The following GRAP2 variants were observed in gnomAD, a reference collection of about 807,000 sequenced individuals.
GRAP2 encodes the protein GRB2 related adaptor protein 2.
GRAP2 carries 31 observed loss-of-function variants against 43.5 expected under a neutral mutation model. That is an observed-to-expected ratio of 0.71 (90% CI 0.54 to 0.96). GRAP2 has a LOEUF of 0.96. Ranked by LOEUF, GRAP2 falls within the 40% of genes least tolerant of loss-of-function variation. The pLI is 0.00. For synonymous variants in GRAP2, 156 were observed against 164.8 expected (o/e 0.95, Z 0.41); for missense variants, 371 against 424.4 (o/e 0.87, Z 1.11).
rs80248217 is a variant in GRAP2 at position 39,940,285 on chromosome 22, T to A, written c.-14-6808T>A. Among the ~76,000 whole-genome samples the A allele has an allele frequency of 3.8e-3, 572 of 152,090 alleles. 2 individuals are homozygous for A. The highest frequency in any genetic ancestry group is 0.013 in the African/African-American group (557 of 41,490). On this transcript the variant is annotated intron_variant, in intron 1 of 7. Transcript: ENST00000344138. The stretch of plus-strand genomic sequence containing the variant: ...TTCTCTAAGCAGGGTGTCTGCTGGT[T>A]TAGAATAGAGCAAAAATATTGTCAT...
intron 1 of GRAP2, among the ~76,000 whole-genome samples, chr22:39,907,139 A>G (rs954365755): frequency 4.6e-5 from 7 of 152,210 alleles, no homozygotes; most frequent in African/African-American, 1.7e-4. Flanking sequence ...GTCTAAATCT[A>G]ATACCTTATA....
At chr22:39,953,055 G>A (rs1010954162) in intron 2 of GRAP2, among the ~76,000 whole-genome samples, 5 of 152,098 alleles carry the variant, frequency 3.3e-5, no homozygotes, top group African/African-American at 1.2e-4. Context: ...TTAGAAATAG[G>A]TCATCATCTC....
At chr22:39,925,841 C>T (rs1398288856) in intron 1 of GRAP2, among the ~76,000 whole-genome samples, 1 of 152,160 alleles carries the variant, frequency 6.6e-6, no homozygotes, top group Non-Finnish European at 1.5e-5. Context: ...TCCACAACAC[C>T]CTATCAGTTC....
intron 1 of GRAP2, among the ~76,000 whole-genome samples, chr22:39,943,589 C>T (rs1201861959): frequency 2.0e-5 from 3 of 152,068 alleles, no homozygotes; most frequent in Admixed American, 2.0e-4. Flanking sequence ...GTTTGGCTGC[C>T]CCTAGAGGCT....
intron 2 of GRAP2, chr22:39,947,399 G>A (rs368992009): frequency 1.5e-5 from 8 of 551,134 alleles, no homozygotes; most frequent in East Asian, 6.1e-5. Flanking sequence ...TGGGAGGTTC[G>A]TAGTCTGGAG....
intron 2 of GRAP2, 55 bp from the exon 3 acceptor site, chr22:39,955,764 T>C (rs913526406): frequency 1.0e-5 from 9 of 879,678 alleles, no homozygotes; most frequent in Non-Finnish European, 1.5e-5. Context: ...CCCTTTCTCT[T>C]GTTTTTTTGG....
intron 1 of GRAP2, among the ~76,000 whole-genome samples, chr22:39,929,448 A>G (rs1418347437): frequency 6.6e-6 from 1 of 152,228 alleles, no homozygotes; most frequent in Non-Finnish European, 1.5e-5. Flanking sequence ...GAGAAGAAAG[A>G]TAATAGAATG....
intron 1 of GRAP2, among the ~76,000 whole-genome samples, chr22:39,916,236 C>G (rs570359369): frequency 4.2e-4 from 64 of 152,386 alleles, no homozygotes; most frequent in African/African-American, 1.2e-3. Context: ...GCCCCCTCCC[C>G]CAACAGCACT....
At chr22:39,961,167 T>C (rs1336275539) in intron 4 of GRAP2, among the ~76,000 whole-genome samples, 1 of 152,124 alleles carries the variant, frequency 6.6e-6, no homozygotes, top group Non-Finnish European at 1.5e-5. Context: ...TTGCCTGGGC[T>C]GATCTCAAAC....
At chr22:39,952,814 T>C (rs968552423) in intron 2 of GRAP2, among the ~76,000 whole-genome samples, 8 of 152,140 alleles carry the variant, frequency 5.3e-5, no homozygotes, top group African/African-American at 1.4e-4. Context: ...TTTGATGGAA[T>C]TGTATTTTTT....
At chr22:39,950,567 G>A (rs1489210263) in intron 2 of GRAP2, among the ~76,000 whole-genome samples, 2 of 152,190 alleles carry the variant, frequency 1.3e-5, no homozygotes, top group East Asian at 1.9e-4. Flanking sequence ...TGTCATGCAC[G>A]TGTGCACACA....
intron 1 of GRAP2, among the ~76,000 whole-genome samples, chr22:39,912,914 C>T (rs137968): frequency 0.46 from 69,824 of 151,624 alleles, 17,231 homozygotes; most frequent in East Asian, 0.67. Flanking sequence ...GCTAAAAGGC[C>T]GGTCACGGTG....
intron 2 of GRAP2, among the ~76,000 whole-genome samples, chr22:39,953,638 C>A (rs1244510914): frequency 6.6e-6 from 1 of 152,174 alleles, no homozygotes; most frequent in African/African-American, 2.4e-5. Flanking sequence ...GAGACAGAGT[C>A]TCTCTCTGTT....
At chr22:39,904,420 T>A (rs1365504494) in intron 1 of GRAP2, among the ~76,000 whole-genome samples, 1 of 152,058 alleles carries the variant, frequency 6.6e-6, no homozygotes, top group African/African-American at 2.4e-5. Flanking sequence ...AAAGAAAAGA[T>A]AGTGAGAAAA....
chr22:39,970,391 C>T (rs1394485637), intron 7 of GRAP2, among the ~76,000 whole-genome samples: 1 of 152,180 alleles, frequency 6.6e-6, no homozygotes. Flanking sequence ...TGTGATCCAT[C>T]TTGACTTGTG....
intron 1 of GRAP2, among the ~76,000 whole-genome samples, chr22:39,916,374 A>G (rs1013909819): frequency 3.9e-5 from 6 of 152,238 alleles, no homozygotes; most frequent in African/African-American, 1.4e-4. Context: ...TTGGTCTTCA[A>G]TTTGGAAAAA....
intron 1 of GRAP2, among the ~76,000 whole-genome samples, chr22:39,913,843 G>A (rs923894702): frequency 3.3e-5 from 5 of 152,066 alleles, no homozygotes; most frequent in African/African-American, 7.2e-5. Flanking sequence ...ATAATCCATC[G>A]AAGTCACAGC....
intron 1 of GRAP2, among the ~76,000 whole-genome samples, chr22:39,929,292 G>C (rs542551084): frequency 6.6e-6 from 1 of 152,078 alleles, no homozygotes; most frequent in Non-Finnish European, 1.5e-5. Flanking sequence ...GAGAGAGAGA[G>C]GAGGGAATGA....
At chr22:39,945,390 C>G (rs537052495) in intron 1 of GRAP2, among the ~76,000 whole-genome samples, 33 of 152,232 alleles carry the variant, frequency 2.2e-4, no homozygotes, top group Admixed American at 2.1e-3. Context: ...TTGCTATCAC[C>G]CTGTTGCAGT....
Sources: allele counts gnomAD v4.1 joint callset (sites outside exome capture counted in the v4.1 genomes callset), GRCh38; gene constraint gnomAD v4.1.1; transcripts MANE v1.5; gene names NCBI Gene and HGNC (gene_info 2026-07-23, HGNC 2026-07-21).